Variants in NR3C2 observed in about 807,000 individuals in gnomAD.
The protein encoded by NR3C2 is mineralocorticoid receptor.
In NR3C2, 15 loss-of-function variants were observed where a neutral mutation model predicts 86.4. The observed-to-expected ratio is 0.17, with a 90% CI of 0.12 to 0.27. The LOEUF (loss-of-function observed/expected upper bound fraction) is 0.27. Ranked by LOEUF, NR3C2 falls within the 10% of genes least tolerant of loss-of-function variation. The pLI is 1.00. For synonymous variants in NR3C2, 458 were observed against 450.5 expected (o/e 1.02, Z -0.21); for missense variants, 960 against 1,195.6 (o/e 0.80, Z 2.91).
chr4:148,271,251 G>A (rs1479364145), intron 2 of NR3C2, among the ~76,000 whole-genome samples: 1 of 151,904 alleles, frequency 6.6e-6, no homozygotes, highest in Admixed American at 6.6e-5. Context: ...CCATTTCACT[G>A]TTTCCACTTT....
At chr4:148,130,547 C>T (rs1428094540) in intron 6 of NR3C2, among the ~76,000 whole-genome samples, 4 of 152,158 alleles carry the variant, frequency 2.6e-5, no homozygotes, top group African/African-American at 9.7e-5. Context: ...GGTCTGTGTA[C>T]TCTTCTGGAT....
chr4:148,387,606 A>T (rs1579237742), intron 2 of NR3C2, among the ~76,000 whole-genome samples: 1 of 152,344 alleles, frequency 6.6e-6, no homozygotes, highest in East Asian at 1.9e-4. Flanking sequence ...TTAAAGCAAC[A>T]TGACAAAATC....
intron 2 of NR3C2, among the ~76,000 whole-genome samples, chr4:148,352,721 T>A (rs1165868029): frequency 2.6e-5 from 4 of 152,212 alleles, no homozygotes; most frequent in Non-Finnish European, 5.9e-5. Context: ...TAAAGATTTT[T>A]CATAGTTTTA....
intron 6 of NR3C2, among the ~76,000 whole-genome samples, chr4:148,135,094 G>C (rs1560939199): frequency 6.6e-6 from 1 of 152,200 alleles, no homozygotes; most frequent in African/African-American, 2.4e-5. Context: ...GGGAAGGAAA[G>C]GGGGCAGGGG....
intron 2 of NR3C2, among the ~76,000 whole-genome samples, chr4:148,302,846 CAAAA>C (rs35574035): frequency 3.4e-5 from 3 of 88,538 alleles, no homozygotes; most frequent in African/African-American, 4.5e-5. Flanking sequence ...AACTCCGTCT[CAAAA>C]AAAAAAAAAA....
At chr4:148,171,303 T>C (rs1471317272) in intron 4 of NR3C2, among the ~76,000 whole-genome samples, 2 of 152,220 alleles carry the variant, frequency 1.3e-5, no homozygotes, top group Non-Finnish European at 2.9e-5. Flanking sequence ...ATGACTGCAA[T>C]GTGAAGGAAT....
intron 2 of NR3C2, among the ~76,000 whole-genome samples, chr4:148,397,661 T>C (rs1409557895): frequency 6.6e-6 from 1 of 152,210 alleles, no homozygotes; most frequent in African/African-American, 2.4e-5. Context: ...AAGCACCTTA[T>C]TTCAATTTTT....
chr4:148,417,520 T>C (rs1225122266), intron 2 of NR3C2, among the ~76,000 whole-genome samples: 1 of 152,204 alleles, frequency 6.6e-6, no homozygotes, highest in Non-Finnish European at 1.5e-5. Context: ...ATATAATATG[T>C]TTTTATCTTC....
chr4:148,268,296 G>A (rs2149881278), intron 2 of NR3C2, among the ~76,000 whole-genome samples: 1 of 152,174 alleles, frequency 6.6e-6, no homozygotes, highest in African/African-American at 2.4e-5. Flanking sequence ...TATTTAGCGG[G>A]AATATTTGAG....
At chr4:148,335,158 G>A (rs1207136228) in intron 2 of NR3C2, among the ~76,000 whole-genome samples, 1 of 152,200 alleles carries the variant, frequency 6.6e-6, no homozygotes, top group Non-Finnish European at 1.5e-5. Context: ...AATTGGGGCA[G>A]GAGTCAGGGT....
At chr4:148,235,284 T>TATATA (rs1560992905) in intron 3 of NR3C2, among the ~76,000 whole-genome samples, 46 of 119,150 alleles carry the variant, frequency 3.9e-4, no homozygotes, top group Non-Finnish European at 7.2e-4. Flanking sequence ...ATATATATAT[T>TATATA]TAAGATTCCT....
intron 3 of NR3C2, among the ~76,000 whole-genome samples, chr4:148,251,178 C>T (rs186174812): frequency 9.2e-5 from 14 of 152,100 alleles, no homozygotes; most frequent in African/African-American, 3.4e-4. Flanking sequence ...AGGCTGGTCT[C>T]GAACTCCTGA....
At chr4:148,135,724 C>T (rs1733270842) in intron 6 of NR3C2, among the ~76,000 whole-genome samples, 1 of 150,978 alleles carries the variant, frequency 6.6e-6, no homozygotes, top group South Asian at 2.1e-4. Context: ...GCAACCATCT[C>T]AAAGAAAAGA....
chr4:148,346,492 C>A (rs1744998784), intron 2 of NR3C2, among the ~76,000 whole-genome samples: 1 of 151,992 alleles, frequency 6.6e-6, no homozygotes, highest in African/African-American at 2.4e-5. Flanking sequence ...GAAACTGGAT[C>A]ATGGGTTTAG....
intron 2 of NR3C2, among the ~76,000 whole-genome samples, chr4:148,311,594 T>G (rs1742902300): frequency 6.6e-6 from 1 of 152,236 alleles, no homozygotes; most frequent in African/African-American, 2.4e-5. Context: ...TTCCATACCT[T>G]GGCCCCTGTC....
At chr4:148,394,272 C>T (rs1042765684) in intron 2 of NR3C2, among the ~76,000 whole-genome samples, 5 of 151,422 alleles carry the variant, frequency 3.3e-5, no homozygotes, top group Admixed American at 2.6e-4. Flanking sequence ...GAATTACCAG[C>T]AAATAAATAG....
At chr4:148,245,832 GAAATTTTGTATGAAGA>G (rs1739288180) in intron 3 of NR3C2, among the ~76,000 whole-genome samples, 1 of 152,136 alleles carries the variant, frequency 6.6e-6, no homozygotes, top group Non-Finnish European at 1.5e-5. Context: ...ATTTTCGATG[GAAATTTTGTATGAAGA>G]AAATTTTGTA....
At chr4:148,096,821 G>A (rs1031768936) in intron 8 of NR3C2, among the ~76,000 whole-genome samples, 2 of 152,208 alleles carry the variant, frequency 1.3e-5, no homozygotes, top group African/African-American at 2.4e-5. Context: ...TGGCACAGCT[G>A]AGTAGCTGTA....
chr4:148,417,601 T>C (rs936946893), intron 2 of NR3C2, among the ~76,000 whole-genome samples: 1 of 152,200 alleles, frequency 6.6e-6, no homozygotes, highest in Admixed American at 6.5e-5. Context: ...TGAGAGAAAG[T>C]TATAATCTAA....
Sources: allele counts gnomAD v4.1 joint callset (sites outside exome capture counted in the v4.1 genomes callset), GRCh38; gene constraint gnomAD v4.1.1; transcripts MANE v1.5; gene names NCBI Gene and HGNC (gene_info 2026-07-23, HGNC 2026-07-21).